VCL: variants seen among roughly 807,000 people sequenced by gnomAD.
VCL encodes epididymis luminal protein 114.
VCL carries 47 observed loss-of-function variants against 125.7 expected under a neutral mutation model. That is an observed-to-expected ratio of 0.37 (90% confidence interval 0.30 to 0.48). VCL has a LOEUF of 0.48. Among genes scored for constraint, VCL ranks in the 20% least tolerant of loss-of-function variants. VCL has a pLI of 0.99. For synonymous variants in VCL, 458 were observed against 514.6 expected (o/e 0.89, Z 1.49); for missense variants, 1,069 against 1,455.5 (o/e 0.73, Z 4.32).
chr10:74,109,153 C>T lies in VCL; in HGVS notation c.2742C>T (p.Ser914=), dbSNP rs774958206. The T allele has an allele frequency of 1.9e-6, 3 of 1,613,900 alleles. No individual in the cohort carries two copies. The highest frequency in any genetic ancestry group is 2.2e-5 in the South Asian group (2 of 91,068). ...QLHDEARKWS[S]KPGIPAAEVG... ...ATGATGAAGCTCGCAAATGGTCCAG[C>T]AAGGTAAGTAGTGAAGCTTTTCTTG... The change falls in exon 18 of 22, where the codon AGC becomes AGT. Residue 914 remains serine (S), a synonymous_variant. Coordinates refer to ENST00000211998, the MANE Select transcript of VCL (RefSeq NM_014000.3).
intron 1 of VCL, among the ~76,000 whole-genome samples, chr10:74,025,565 G>A (rs1840755525): frequency 6.6e-6 from 1 of 150,590 alleles, no homozygotes; most frequent in Admixed American, 6.6e-5. Context: ...AGTGAGCTGA[G>A]ATTGCCCCAC....
chr10:74,109,240 T>A, intron 18 of VCL, 84 bp downstream of exon 18: 1 of 1,535,136 alleles, frequency 6.5e-7, no homozygotes, highest in Non-Finnish European at 8.9e-7. Flanking sequence ...AAGAAGAGTC[T>A]ATTTGGAGTC....
chr10:74,082,531 T>A lies in VCL; in HGVS notation c.861T>A (p.Pro287=). 1 of 1,614,098 alleles carries A rather than the reference T, an allele frequency of 6.2e-7. No individual in the cohort carries two copies. Among genetic ancestry groups the A allele is most frequent in the Non-Finnish European group, 8.5e-7 (1 of 1,179,976 alleles). Reference sequence around the variant, plus strand: ...AGGCCAAAGGTTGGCTCCGTGACCCTAGTGCCTCCCCAGGTAACCCTCTAG... The same window carrying A: ...AGGCCAAAGGTTGGCTCCGTGACCCAAGTGCCTCCCCAGGTAACCCTCTAG... ...LNQAKGWLRD[P]SASPGDAGEQ... The change falls in exon 7 of 22, where the codon CCT becomes CCA. Residue 287 remains proline (P), a synonymous_variant. Coordinates refer to ENST00000211998, the MANE Select transcript of VCL (RefSeq NM_014000.3).
intron 1 of VCL, among the ~76,000 whole-genome samples, chr10:74,024,611 CAAAA>C (rs34086598): frequency 7.0e-6 from 1 of 141,940 alleles, no homozygotes; most frequent in African/African-American, 2.6e-5. Context: ...CACTCCATCT[CAAAA>C]AAAAAAAAAA....
chr10:74,025,364 C>T (rs1005735099), intron 1 of VCL, among the ~76,000 whole-genome samples: 2 of 151,888 alleles, frequency 1.3e-5, no homozygotes, highest in African/African-American at 2.4e-5. Context: ...TGTGGTGGCT[C>T]ACACTTTGGG....
chr10:74,042,995 TTAAGTA>T (rs1448178975), intron 1 of VCL, 82 bp from the exon 2 acceptor site: 196 of 1,296,050 alleles, frequency 1.5e-4, no homozygotes, highest in Middle Eastern at 2.5e-4. Context: ...TAGATTATGT[TTAAGTA>T]TATGTTTCAA....
At chr10:74,026,498 G>T (rs1342147514) in intron 1 of VCL, among the ~76,000 whole-genome samples, 1 of 152,116 alleles carries the variant, frequency 6.6e-6, no homozygotes. Context: ...GATTTAATGA[G>T]ATCATAAAGA....
intron 2 of VCL, among the ~76,000 whole-genome samples, chr10:74,046,388 G>A (rs1564516936): frequency 6.6e-6 from 1 of 152,100 alleles, no homozygotes; most frequent in Non-Finnish European, 1.5e-5. Flanking sequence ...GGGACTACAG[G>A]TGTGTGCCAC....
chr10:74,044,014 G>A (rs1308433887), intron 2 of VCL, among the ~76,000 whole-genome samples: 4 of 152,036 alleles, frequency 2.6e-5, no homozygotes, highest in African/African-American at 9.7e-5. Context: ...GGGAGGCTGA[G>A]GCAGGAGAAT....
chr10:74,017,079 G>A (rs552386949), intron 1 of VCL, among the ~76,000 whole-genome samples: 4 of 113,956 alleles, frequency 3.5e-5, no homozygotes, highest in Non-Finnish European at 6.7e-5. Flanking sequence ...ACGGAGTCTC[G>A]CTCTGTCGCC....
intron 8 of VCL, among the ~76,000 whole-genome samples, chr10:74,084,784 G>T (rs1839741456): frequency 6.7e-6 from 1 of 149,914 alleles, no homozygotes; most frequent in Non-Finnish European, 1.5e-5. Context: ...GGCTAAGTTT[G>T]TATTTTTAGT....
intron 1 of VCL, among the ~76,000 whole-genome samples, chr10:74,015,069 C>T (rs78135852): frequency 6.8e-4 from 103 of 152,284 alleles, no homozygotes; most frequent in Middle Eastern, 3.4e-3. Context: ...GGGATAGAAT[C>T]GCTTTCAGAT....
At chr10:74,028,951 TG>T (rs1273605069) in intron 1 of VCL, among the ~76,000 whole-genome samples, 3 of 151,978 alleles carry the variant, frequency 2.0e-5, no homozygotes, top group Non-Finnish European at 2.9e-5. Context: ...CTGGAGTAGT[TG>T]GGACTACAGC....
chr10:74,035,417 TTAAC>T (rs1340308713), intron 1 of VCL, among the ~76,000 whole-genome samples: 2 of 152,164 alleles, frequency 1.3e-5, no homozygotes, highest in Non-Finnish European at 2.9e-5. Context: ...GATATTTAAA[TTAAC>T]TACTGAACAA....
In VCL at chr10:74,018,177, G is replaced by GATATATAGGATATAT. The variant is rs1555114492; in HGVS notation, c.168+19809_168+19810insGGATATATATATATA. Reference sequence around the variant, plus strand: ...TGGTAAAATGTGAGGATATATATAGGATATATATATATATATATATATATA... The same window carrying GATATATAGGATATAT: ...TGGTAAAATGTGAGGATATATATAGGATATATAGGATATATATATATATATATATATATATATATA... On this transcript the variant is annotated intron_variant, in intron 1 of 21. Coordinates refer to ENST00000211998, the MANE Select transcript of VCL (RefSeq NM_014000.3). 1.5e-4 allele frequency among the ~76,000 whole-genome samples: 12 copies of GATATATAGGATATAT among 81,880 alleles called. 1 individual carries two copies. Among genetic ancestry groups the GATATATAGGATATAT allele is most frequent in the African/African-American group, 4.8e-4 (11 of 22,750 alleles). The allele number at this position is 81,880 out of a possible 152,430, so 53.7% of individuals were successfully genotyped here.
At chr10:74,001,060 G>A (rs995958842) in intron 1 of VCL, among the ~76,000 whole-genome samples, 6 of 152,206 alleles carry the variant, frequency 3.9e-5, no homozygotes, top group African/African-American at 1.4e-4. Flanking sequence ...AAGTTAGTGC[G>A]TGACATATGG....
intron 6 of VCL, among the ~76,000 whole-genome samples, chr10:74,078,276 G>C (rs1839623297): frequency 6.6e-6 from 1 of 152,116 alleles, no homozygotes. Flanking sequence ...GGCTGGTGGT[G>C]GGTAAAAGTA....
At chr10:74,065,756 A>C (rs1363957249) in intron 2 of VCL, among the ~76,000 whole-genome samples, 2 of 152,024 alleles carry the variant, frequency 1.3e-5, no homozygotes, top group East Asian at 3.8e-4. Context: ...AGATTGGCAT[A>C]TTAAAAGTTC....
chr10:74,091,791 C>CAAAAAAAAAAAAAAAAAAA (rs545539526), intron 10 of VCL, among the ~76,000 whole-genome samples: 32 of 61,128 alleles, frequency 5.2e-4, no homozygotes, highest in East Asian at 1.6e-3. Context: ...TCTGTCTCAG[C>CAAAAAAAAAAAAAAAAAAA]AAAAAAAAAA....
Sources: gnomAD v4.1 joint callset for allele counts (sites outside exome capture counted in the v4.1 genomes callset) on GRCh38, gnomAD v4.1.1 for gene constraint, MANE v1.5 for transcripts, NCBI Gene and HGNC (gene_info 2026-07-23, HGNC 2026-07-21) for gene names.